The following AFAP1 variants were observed in gnomAD, a reference collection of about 807,000 sequenced individuals.
The protein encoded by AFAP1 is actin filament-associated protein 1.
AFAP1 carries 75 observed loss-of-function variants against 93.9 expected under a neutral mutation model. The ratio of observed to expected loss-of-function variants is 0.80; its 90% CI spans 0.66 to 0.97. The LOEUF (loss-of-function observed/expected upper bound fraction) is 0.97, where lower values mean the gene tolerates loss of function less well. Ranked by LOEUF, AFAP1 falls within the 50% of genes least tolerant of loss-of-function variation. The pLI is 0.00. For missense variants in AFAP1, 1,201 were observed against 1,050.8 expected (o/e 1.14, Z -1.98); for synonymous variants, 517 against 430.7 (o/e 1.20, Z -2.48).
intron 6 of AFAP1, among the ~76,000 whole-genome samples, chr4:7,828,711 G>A (rs1356147222): frequency 1.3e-5 from 2 of 152,196 alleles, no homozygotes; most frequent in East Asian, 1.9e-4. Context: ...AATAGCTCTA[G>A]AAAGCAGATA....
chr4:7,907,454 C>G (rs1315681611), intron 1 of AFAP1, among the ~76,000 whole-genome samples: 1 of 152,144 alleles, frequency 6.6e-6, no homozygotes, highest in Non-Finnish European at 1.5e-5. Flanking sequence ...TGGCCCAACC[C>G]CTTCTTTGAC....
chr4:7,795,062 T>C (rs534189017), intron 10 of AFAP1, among the ~76,000 whole-genome samples: 58 of 152,370 alleles, frequency 3.8e-4, no homozygotes, highest in African/African-American at 1.3e-3. Context: ...TTTATAATTA[T>C]AACCTTGACA....
intron 3 of AFAP1, among the ~76,000 whole-genome samples, chr4:7,856,668 G>T (rs1020474340): frequency 1.3e-5 from 2 of 152,162 alleles, no homozygotes; most frequent in African/African-American, 4.8e-5. Flanking sequence ...TGGCCTTCAG[G>T]ACTGTGCTCA....
intron 4 of AFAP1, among the ~76,000 whole-genome samples, chr4:7,845,081 G>A (rs1310678126): frequency 2.6e-5 from 4 of 152,176 alleles, no homozygotes; most frequent in Non-Finnish European, 5.9e-5. Context: ...TACTAGCAGG[G>A]AGGAACAGAA....
chr4:7,933,040 AGGG>A (rs11412950), intron 1 of AFAP1, among the ~76,000 whole-genome samples: 1 of 118,848 alleles, frequency 8.4e-6, no homozygotes, highest in Admixed American at 9.1e-5. Flanking sequence ...AAAAAAAAAA[AGGG>A]GGGGGATCTT....
chr4:7,815,745 A>C (rs892402865), intron 8 of AFAP1, among the ~76,000 whole-genome samples: 2 of 152,330 alleles, frequency 1.3e-5, no homozygotes, highest in South Asian at 2.1e-4. Context: ...GCTGTGAGTC[A>C]TAAGTTCAAA....
intron 1 of AFAP1, among the ~76,000 whole-genome samples, chr4:7,921,181 C>CTTTTTTTTTTT (rs34764139): frequency 5.3e-5 from 5 of 95,112 alleles, no homozygotes; most frequent in Admixed American, 1.4e-4. Context: ...GAGAGCAAAA[C>CTTTTTTTTTTT]TTTTTTTTTT....
At chr4:7,936,684 T>TA (rs1721404999) in intron 1 of AFAP1, among the ~76,000 whole-genome samples, 1 of 151,448 alleles carries the variant, frequency 6.6e-6, no homozygotes, top group African/African-American at 2.4e-5. Context: ...CAGGTTCAAG[T>TA]AATTCTCCTG....
intron 5 of AFAP1, chr4:7,842,872 G>T: frequency 4.4e-6 from 2 of 450,062 alleles, no homozygotes; most frequent in Non-Finnish European, 8.0e-6. Context: ...GCAAACCACA[G>T]GCCCTGCCCG....
rs1704352872 is a variant in AFAP1 at position 7,781,401 on chromosome 4, C to T, written c.1757G>A (p.Arg586Lys). The T allele has an allele frequency of 6.4e-7, 1 of 1,551,800 alleles. No homozygotes were observed. Among genetic ancestry groups the T allele is most frequent in the African/African-American group, 1.4e-5 (1 of 73,160 alleles). Residue 586 changes from arginine (R) to lysine (K), a missense_variant, in exon 13 of 18, where the codon AGG becomes AAG. Coordinates refer to ENST00000420658, the MANE Select transcript of AFAP1 (RefSeq NM_001134647.2). ...CTGCGAGTTGAGCCCGAGAGACGCC[C>T]TCCCCACAGAAGAGGTATTAGTGAC... ...QSVTNTSSVG[R>K]ASLGLNSQLK...
chr4:7,804,255 T>G (rs1719305587), intron 9 of AFAP1, among the ~76,000 whole-genome samples: 1 of 152,206 alleles, frequency 6.6e-6, no homozygotes, highest in Non-Finnish European at 1.5e-5. Flanking sequence ...GATCAAGAAC[T>G]GCAGGCGGGA....
chr4:7,876,631 A>C (rs1717527560), intron 1 of AFAP1, among the ~76,000 whole-genome samples: 1 of 152,194 alleles, frequency 6.6e-6, no homozygotes, highest in Non-Finnish European at 1.5e-5. Flanking sequence ...AGTGTCTCAG[A>C]CGCCGACCAT....
At chr4:7,786,558 G>A (rs1457569338) in intron 11 of AFAP1, among the ~76,000 whole-genome samples, 19 of 152,174 alleles carry the variant, frequency 1.2e-4, no homozygotes, top group Admixed American at 1.0e-3. Flanking sequence ...CCAGGTACAC[G>A]CAGCAAAGCC....
At chr4:7,779,037 A>C (rs2148978786) in intron 13 of AFAP1, 161 bp from the exon 14 acceptor site, 2 of 608,638 alleles carry the variant, frequency 3.3e-6, no homozygotes, top group Admixed American at 3.0e-5. Flanking sequence ...GATGGTTTCC[A>C]AACACTGGGC....
At chr4:7,814,013 G>A (rs1720263156) in intron 8 of AFAP1, among the ~76,000 whole-genome samples, 1 of 152,112 alleles carries the variant, frequency 6.6e-6, no homozygotes, top group Non-Finnish European at 1.5e-5. Flanking sequence ...GTTTTGCAGT[G>A]GGAACTCTCC....
chr4:7,795,777 C>T (rs1718363931), intron 10 of AFAP1, among the ~76,000 whole-genome samples: 1 of 152,002 alleles, frequency 6.6e-6, no homozygotes, highest in Non-Finnish European at 1.5e-5. Context: ...ACCATTTCAT[C>T]AAAGCATTTT....
intron 6 of AFAP1, among the ~76,000 whole-genome samples, chr4:7,826,103 T>C (rs1448532251): frequency 6.6e-6 from 1 of 152,062 alleles, no homozygotes; most frequent in East Asian, 1.9e-4. Context: ...GAATGGTGGG[T>C]GAAGGGGGAA....
At chr4:7,828,786 A>C (rs1005797106) in intron 6 of AFAP1, among the ~76,000 whole-genome samples, 2 of 152,200 alleles carry the variant, frequency 1.3e-5, no homozygotes, top group Non-Finnish European at 2.9e-5. Context: ...TAGCTTGTCC[A>C]AGAAACACAG....
At position 7,759,362 on chromosome 4, in the gene AFAP1, A is replaced by G. The variant is rs1021262698; in HGVS notation, c.*4403T>C. On this transcript the variant is annotated 3_prime_UTR_variant, in exon 18 of 18. Transcript: ENST00000420658. ...TATTTCATGAACTACGGGCGAAAGG[A>G]TGCGTCTGACGCCCACCACTTCCTG... 6.6e-6 allele frequency: 1 copy of G among 152,666 alleles called. No homozygotes were observed. The highest frequency in any genetic ancestry group is 2.4e-5 in the African/African-American group (1 of 41,460). The allele number at this position is 152,666 out of a possible 1,614,324, so 9.5% of individuals were successfully genotyped here.
Sources: gnomAD v4.1 joint callset for allele counts (sites outside exome capture counted in the v4.1 genomes callset) on GRCh38, gnomAD v4.1.1 for gene constraint, MANE v1.5 for transcripts, NCBI Gene and HGNC (gene_info 2026-07-23, HGNC 2026-07-21) for gene names.